The following EPSTI1 variants were observed in gnomAD, a reference collection of about 807,000 sequenced individuals.
EPSTI1 encodes epithelial stromal interaction 1, also known as epithelial-stromal interaction protein 1.
In EPSTI1, 66 loss-of-function variants were observed where a neutral mutation model predicts 49.9. The ratio of observed to expected loss-of-function variants is 1.32; its 90% CI spans 1.08 to 1.62. The LOEUF (loss-of-function observed/expected upper bound fraction) is 1.62, where lower values mean the gene tolerates loss of function less well. EPSTI1 is among the 40% of genes most tolerant of loss of function. The pLI, the probability that EPSTI1 is intolerant of heterozygous loss-of-function variation, is 0.00. For missense variants in EPSTI1, 394 were observed against 365.5 expected, an observed-to-expected ratio of 1.08 and a Z score of -0.64; for synonymous variants, 137 against 130.7, an observed-to-expected ratio of 1.05 and a Z score of -0.33.
intron 6 of EPSTI1, among the ~76,000 whole-genome samples, chr13:42,942,013 T>G (rs1433357647): frequency 6.6e-6 from 1 of 152,178 alleles, no homozygotes. Flanking sequence ...GACAAATAGT[T>G]TTTGTCATAT....
At chr13:42,974,757 A>G (rs949404477) in intron 1 of EPSTI1, among the ~76,000 whole-genome samples, 1 of 152,204 alleles carries the variant, frequency 6.6e-6, no homozygotes, top group Non-Finnish European at 1.5e-5. Context: ...TTTTATCAAT[A>G]AGTACTCTGA....
In EPSTI1 at chr13:42,915,577, G is replaced by A. The variant is rs573400708; in HGVS notation, c.741+1964C>T. Among the ~76,000 whole-genome samples, 7 of 151,986 alleles carry A rather than the reference G, an allele frequency of 4.6e-5. No homozygotes were observed. The South Asian group carries it at 6.2e-4, about 14-fold the overall frequency. Reference sequence around the variant, plus strand: ...AATGAACGTTTCCCAACAACAACACGTCAGGCAAAAAAAGAGAGAAGCAAA... The same window carrying A: ...AATGAACGTTTCCCAACAACAACACATCAGGCAAAAAAAGAGAGAAGCAAA... On this transcript the variant is annotated intron_variant, in intron 8 of 10. Transcript: ENST00000313624.
chr13:42,911,239 G>C (rs2037664188), intron 8 of EPSTI1, among the ~76,000 whole-genome samples: 1 of 124,064 alleles, frequency 8.1e-6, no homozygotes, highest in Admixed American at 8.4e-5. Context: ...GAGGGAGAGA[G>C]AGAGAGTGTG....
intron 1 of EPSTI1, among the ~76,000 whole-genome samples, chr13:42,976,557 C>T (rs1326850153): frequency 6.6e-6 from 1 of 151,988 alleles, no homozygotes; most frequent in Non-Finnish European, 1.5e-5. Context: ...ATGAAATGTG[C>T]TATATATTTT....
intron 7 of EPSTI1, among the ~76,000 whole-genome samples, 189 bp from the exon 8 acceptor site, chr13:42,917,813 GA>G (rs1449645225): frequency 6.6e-6 from 1 of 152,038 alleles, no homozygotes; most frequent in African/African-American, 2.4e-5. Context: ...ACGTCCCTTG[GA>G]ACATATAAAA....
At chr13:42,937,123 T>C (rs2038591523) in intron 6 of EPSTI1, among the ~76,000 whole-genome samples, 1 of 152,216 alleles carries the variant, frequency 6.6e-6, no homozygotes, top group African/African-American at 2.4e-5. Context: ...TTTCCATTCA[T>C]ATAAAAGTTG....
In EPSTI1 at chr13:42,967,719, A is replaced by G. The variant is rs528676388; in HGVS notation, c.331+1375T>C. 2.0e-5 allele frequency among the ~76,000 whole-genome samples: 3 copies of G among 152,290 alleles called. No homozygotes were observed. The South Asian group carries it at 6.2e-4, about 32-fold the overall frequency. The stretch of plus-strand genomic sequence containing the variant: ...GGGTAGCAGAGAGTGGGGGATGCTG[A>G]AAAACTCGAAGATTCCCAGGAAGAA... On this transcript the variant is annotated intron_variant, in intron 3 of 10. Coordinates refer to ENST00000313624, the MANE Select transcript of EPSTI1 (RefSeq NM_033255.5).
chr13:42,927,323 C>T (rs2038215423), intron 6 of EPSTI1, among the ~76,000 whole-genome samples: 1 of 152,144 alleles, frequency 6.6e-6, no homozygotes, highest in Non-Finnish European at 1.5e-5. Context: ...ATTTCTACGC[C>T]TTTGTCCTTT....
chr13:42,920,592 A>G (rs2037965031), intron 7 of EPSTI1, among the ~76,000 whole-genome samples: 1 of 152,206 alleles, frequency 6.6e-6, no homozygotes, highest in Non-Finnish European at 1.5e-5. Context: ...TAGTCTCAGT[A>G]GAAGCCCTTC....
intron 1 of EPSTI1, among the ~76,000 whole-genome samples, chr13:42,988,568 T>TA (rs1159036840): frequency 6.6e-6 from 1 of 152,080 alleles, no homozygotes; most frequent in African/African-American, 2.4e-5. Context: ...CCGTCTCTAC[T>TA]AAAAATACGA....
chr13:42,941,616 G>GA (rs11383827), intron 6 of EPSTI1, among the ~76,000 whole-genome samples: 39,538 of 136,204 alleles, frequency 0.29, 8,071 homozygotes, highest in African/African-American at 0.56. Context: ...CAAGACACTG[G>GA]AAAAAAAAAA....
chr13:42,904,348 G>A (rs1266534501), intron 8 of EPSTI1, among the ~76,000 whole-genome samples: 1 of 152,122 alleles, frequency 6.6e-6, no homozygotes, highest in African/African-American at 2.4e-5. Flanking sequence ...AGTTCAAAAT[G>A]GTCATTATCT....
At chr13:42,906,210 A>G (rs2037494693) in intron 8 of EPSTI1, among the ~76,000 whole-genome samples, 1 of 152,224 alleles carries the variant, frequency 6.6e-6, no homozygotes, top group African/African-American at 2.4e-5. Context: ...AGAGGTTGCA[A>G]ACATCATTTC....
chr13:42,898,657 G>C, intron 9 of EPSTI1, among the ~76,000 whole-genome samples: 1 of 133,682 alleles, frequency 7.5e-6, no homozygotes, highest in Non-Finnish European at 1.6e-5. Context: ...AAGAATGAAA[G>C]CCAAGATTCC....
chr13:42,958,539 T>C (rs1364491199), intron 5 of EPSTI1, among the ~76,000 whole-genome samples: 5 of 152,100 alleles, frequency 3.3e-5, no homozygotes, highest in Admixed American at 3.3e-4. Context: ...GAAGATGAAA[T>C]GGTGAACACA....
chr13:42,926,625 C>T (rs1224422969), intron 6 of EPSTI1, among the ~76,000 whole-genome samples, 196 bp from the exon 7 acceptor site: 1 of 152,132 alleles, frequency 6.6e-6, no homozygotes, highest in African/African-American at 2.4e-5. Flanking sequence ...TCTTCAAGAA[C>T]AATATTACAA....
chr13:42,915,987 C>T (rs1330412526), intron 8 of EPSTI1, among the ~76,000 whole-genome samples: 1 of 151,838 alleles, frequency 6.6e-6, no homozygotes, highest in African/African-American at 2.4e-5. Flanking sequence ...TTTAAAAACA[C>T]TATTTAAAAT....
At chr13:42,898,149 G>A (rs771102263) in intron 9 of EPSTI1, among the ~76,000 whole-genome samples, 1 of 152,146 alleles carries the variant, frequency 6.6e-6, no homozygotes, top group Non-Finnish European at 1.5e-5. Context: ...AGCTTGTCAG[G>A]AATCTCAGTG....
chr13:42,959,273 G>T (rs1234106664), intron 5 of EPSTI1, among the ~76,000 whole-genome samples: 1 of 152,190 alleles, frequency 6.6e-6, no homozygotes, highest in Non-Finnish European at 1.5e-5. Flanking sequence ...GGGTTAATTA[G>T]CGAGATCCTA....
Sources: allele counts gnomAD v4.1 joint callset (sites outside exome capture counted in the v4.1 genomes callset), GRCh38; gene constraint gnomAD v4.1.1; transcripts MANE v1.5; gene names NCBI Gene and HGNC (gene_info 2026-07-23, HGNC 2026-07-21).